Variants in CEMIP2 observed in about 807,000 individuals in gnomAD.
CEMIP2 encodes cell surface hyaluronidase CEMIP2.
A neutral mutation model predicts 146.9 loss-of-function variants in CEMIP2; 79 were observed. That is an observed-to-expected ratio of 0.54 (90% CI 0.45 to 0.65). CEMIP2 has a LOEUF of 0.65. Ranked by LOEUF, CEMIP2 falls within the 30% of genes least tolerant of loss-of-function variation. CEMIP2 has a pLI of 0.00. For synonymous variants in CEMIP2, 601 were observed against 606.3 expected (o/e 0.99, Z 0.13); for missense variants, 1,596 against 1,696.2 (o/e 0.94, Z 1.04).
chr9:71,712,491 A>C, intron 15 of CEMIP2: 1 of 470,814 alleles, frequency 2.1e-6, no homozygotes, highest in Non-Finnish European at 3.7e-6. Flanking sequence ...AGACCATAAG[A>C]CACAACATTA....
At chr9:71,714,907 A>C (rs1442087933) in intron 15 of CEMIP2, 27 bp downstream of exon 15, 2 of 1,599,628 alleles carry the variant, frequency 1.3e-6, no homozygotes, top group African/African-American at 2.7e-5. Flanking sequence ...CTTAAATTTA[A>C]CACTCCACAG....
chr9:71,686,114 T>TG (rs755878404), intron 22 of CEMIP2: 83 of 338,986 alleles, frequency 2.4e-4, no homozygotes, highest in Non-Finnish European at 3.3e-4. Context: ...TCCCAACCCC[T>TG]GGGCCATGGA....
At chr9:71,744,889 A>G in intron 4 of CEMIP2, 129 bp downstream of exon 4, 2 of 954,470 alleles carry the variant, frequency 2.1e-6, no homozygotes, top group Non-Finnish European at 3.1e-6. Context: ...AAGCTACCAG[A>G]CATGCAAATG....
Position 71,740,182 on chromosome 9 carries a change from T to C in CEMIP2, c.1085A>G (p.Asn362Ser), listed in dbSNP as rs1823874397. Residue 362 changes from asparagine to serine, a missense_variant, in exon 5 of 24, where the codon AAT becomes AGT. By Grantham distance (46) the Asn-to-Ser change is conservative. Transcript: ENST00000377044. ...ATTTTCATAGTTTCTCACGGATTCATTGCAAGAAGTGCTTCCACCATCAAT... is the reference window on the plus strand; with the variant it reads ...ATTTTCATAGTTTCTCACGGATTCACTGCAAGAAGTGCTTCCACCATCAAT... ...GVIDGGSTSC[N>S]ESVRNYENHS... The C allele has an allele frequency of 6.2e-7, 1 of 1,614,008 alleles. No individual in the cohort carries two copies. The highest frequency in any genetic ancestry group is 8.5e-7 in the Non-Finnish European group (1 of 1,180,012).
chr9:71,690,294 T>C, intron 21 of CEMIP2, 48 bp from the exon 22 acceptor site: 4 of 1,592,068 alleles, frequency 2.5e-6, no homozygotes, highest in Non-Finnish European at 1.7e-6. Flanking sequence ...TTTGAGAACA[T>C]CTGCAGGATG....
chr9:71,730,683 G>C (rs1237850796), intron 8 of CEMIP2, 22 bp downstream of exon 8: 2 of 1,610,616 alleles, frequency 1.2e-6, no homozygotes, highest in African/African-American at 1.3e-5. Flanking sequence ...AATATGGGTT[G>C]ACCTAATGCG....
At chr9:71,758,031 T>G (rs965624406) in intron 1 of CEMIP2, among the ~76,000 whole-genome samples, 2 of 152,192 alleles carry the variant, frequency 1.3e-5, no homozygotes, top group Non-Finnish European at 2.9e-5. Context: ...AATCTTTCTA[T>G]ACGTAGTTTA....
chr9:71,750,021 A>T (rs777647276), intron 2 of CEMIP2, 22 bp downstream of exon 2: 9 of 1,554,030 alleles, frequency 5.8e-6, no homozygotes, highest in Admixed American at 5.7e-5. Context: ...AATATGTTCT[A>T]TGTGCATATA....
In CEMIP2 at chr9:71,683,546, ACAC is replaced by A. The variant is rs1563987786; in HGVS notation, c.*1648_*1650del. On this transcript the variant is annotated 3_prime_UTR_variant, in exon 24 of 24. Transcript: ENST00000377044. ...CACACACACACACACACACACACAC[ACAC>A]ACTCTAATGACCTTCAGGAACCATA... is the stretch of plus-strand genomic sequence containing the variant. 40 of 28,944 alleles carry A rather than the reference ACAC, an allele frequency of 1.4e-3. 1 individual carries two copies. The highest frequency in any genetic ancestry group is 7.2e-3 in the African/African-American group (38 of 5,270). 1.8% of individuals were successfully genotyped at this position (28,944 alleles called of 1,614,324 possible). A position where few individuals can be genotyped will look rare whatever the true frequency, so the allele number is the denominator to read the frequency against.
At chr9:71,719,770 C>T (rs1823177270) in intron 12 of CEMIP2, among the ~76,000 whole-genome samples, 1 of 140,160 alleles carries the variant, frequency 7.1e-6, no homozygotes, top group African/African-American at 2.7e-5. Flanking sequence ...TGCCAAACAG[C>T]TTTGTAGTCA....
chr9:71,741,871 C>T, intron 4 of CEMIP2, among the ~76,000 whole-genome samples: 1 of 151,992 alleles, frequency 6.6e-6, no homozygotes, highest in East Asian at 1.9e-4. Context: ...GTCTCGCACT[C>T]CTGCCCTCAG....
intron 21 of CEMIP2, among the ~76,000 whole-genome samples, chr9:71,693,951 G>A (rs935631833): frequency 6.6e-6 from 1 of 152,124 alleles, no homozygotes; most frequent in South Asian, 2.1e-4. Context: ...AGAAGGCTGA[G>A]AGAGACCCCT....
chr9:71,745,694 C>T (rs147396994), intron 3 of CEMIP2, 115 bp from the exon 4 acceptor site: 4 of 1,033,660 alleles, frequency 3.9e-6, no homozygotes, highest in Admixed American at 2.8e-5. Flanking sequence ...AAAAAGAATT[C>T]GCTAAGAATC....
chr9:71,712,127 T>A lies in CEMIP2; in HGVS notation c.2725A>T (p.Ile909Leu). ...AGGGAGATATTATTCCTGGGGGTTA[T>A]CTGCCAGGAATTCTTCATGAGGAAG... ...IGFLMKNSWQ[I>L]TPRNNISLVK... The change falls in exon 16 of 24, where the codon ATA (isoleucine) becomes TTA (leucine). Residue 909 changes from isoleucine to leucine, a missense_variant. By Grantham distance (5) the Ile-to-Leu change is conservative. Transcript: ENST00000377044. 2 of 1,614,182 alleles carry A rather than the reference T, an allele frequency of 1.2e-6. No individual in the cohort carries two copies. Among genetic ancestry groups the A allele is most frequent in the Non-Finnish European group, 8.5e-7 (1 of 1,180,012 alleles).
At position 71,732,496 on chromosome 9, in the gene CEMIP2, C is replaced by T; in HGVS notation, c.1418G>A (p.Gly473Asp). 1 of 1,608,192 alleles carries T rather than the reference C, an allele frequency of 6.2e-7. No individual in the cohort carries two copies. The highest frequency in any genetic ancestry group is 1.1e-5 in the South Asian group (1 of 89,356). Reference protein sequence around the residue: ...VKETPQFLHMGEIIDGVDMRA... With the variant: ...VKETPQFLHMDEIIDGVDMRA... Reference sequence around the variant, plus strand: ...CATGTCTACACCGTCTATGATCTCACCCATGTGCAGGAACTGAGGGGTTTC... The same window carrying T: ...CATGTCTACACCGTCTATGATCTCATCCATGTGCAGGAACTGAGGGGTTTC... The change falls in exon 7 of 24, where the codon GGT becomes GAT. Residue 473 changes from glycine to aspartate, a missense_variant. Physicochemically the swap from Gly to Asp is moderately conservative, Grantham distance 94. Transcript: ENST00000377044.
At chr9:71,714,417 A>G (rs921927102) in intron 15 of CEMIP2, among the ~76,000 whole-genome samples, 2 of 152,170 alleles carry the variant, frequency 1.3e-5, no homozygotes, top group Non-Finnish European at 1.5e-5. Context: ...TCCCTTCAAC[A>G]TCTAAACTGC....
At chr9:71,757,355 CTT>C (rs1824493389) in intron 1 of CEMIP2, among the ~76,000 whole-genome samples, 1 of 152,150 alleles carries the variant, frequency 6.6e-6, no homozygotes, top group Non-Finnish European at 1.5e-5. Context: ...CAGGTCAGTT[CTT>C]TTTTGATCAA....
chr9:71,728,285 A>ATACG (rs1554684743), intron 10 of CEMIP2, among the ~76,000 whole-genome samples: 1 of 27,312 alleles, frequency 3.7e-5, no homozygotes, highest in East Asian at 2.0e-3. Flanking sequence ...ATATATGTAT[A>ATACG]TATATATATA....
chr9:71,703,124 G>T (rs866131695), intron 18 of CEMIP2, among the ~76,000 whole-genome samples: 1 of 152,224 alleles, frequency 6.6e-6, no homozygotes, highest in African/African-American at 2.4e-5. Context: ...GGAGACTGAA[G>T]TGGGGACTGC....
Sources: gnomAD v4.1 joint callset for allele counts (sites outside exome capture counted in the v4.1 genomes callset) on GRCh38, gnomAD v4.1.1 for gene constraint, MANE v1.5 for transcripts, NCBI Gene and HGNC (gene_info 2026-07-23, HGNC 2026-07-21) for gene names.